PAQR6: variants seen among roughly 807,000 people sequenced by gnomAD.
PAQR6 encodes membrane progestin receptor delta.
A neutral mutation model predicts 36.2 loss-of-function variants in PAQR6; 34 were observed. The ratio of observed to expected loss-of-function variants is 0.94; its 90% CI spans 0.71 to 1.25. PAQR6 has a LOEUF of 1.25. Ranked by LOEUF, PAQR6 falls within the 50% of genes most tolerant of loss-of-function variation. The probability of loss-of-function intolerance (pLI) is 0.00; values close to 1 mark genes in which losing one functional copy is unlikely to be tolerated. For missense variants in PAQR6, 431 were observed against 445.7 expected (o/e 0.97, Z 0.30); for synonymous variants, 190 against 190.7 (o/e 1.00, Z 0.03).
chr1:156,244,565 G>GCTA, intron 7 of PAQR6, 162 bp from the exon 8 acceptor site: 4 of 1,388,996 alleles, frequency 2.9e-6, no homozygotes, highest in Non-Finnish European at 3.9e-6. Flanking sequence ...CAGCACACAT[G>GCTA]CTACTAGTTT....
intron 2 of PAQR6, 43 bp downstream of exon 2, chr1:156,246,638 C>G (rs1437995488): frequency 6.2e-7 from 1 of 1,605,286 alleles, no homozygotes; most frequent in African/African-American, 1.3e-5. Context: ...AGTCAGTCCT[C>G]TAGGGAATGG....
rs1358990080 is a variant in PAQR6 at position 156,244,781 on chromosome 1, G to A, written c.740C>T (p.Pro247Leu). The A allele has an allele frequency of 1.8e-5, 29 of 1,613,632 alleles. No individual in the cohort carries two copies. Among genetic ancestry groups the A allele is most frequent in the Non-Finnish European group, 2.4e-5 (28 of 1,180,046 alleles). The change falls in exon 7 of 8, where the codon CCA (proline) becomes CTA (leucine). Residue 247 changes from proline (P) to leucine (L), a missense_variant. Physicochemically the swap from Pro to Leu is moderately conservative, Grantham distance 98. Transcript: ENST00000292291. ...FASHLPERLAPGRFDYIGHSH... is the reference protein window; with the variant it reads ...FASHLPERLALGRFDYIGHSH... ...CTCACCGATGTAATCAAAGCGTCCT[G>A]GTGCCAGCCTTTCAGGCAGGTGGGA...
At position 156,243,507 on chromosome 1, in the gene PAQR6, C is replaced by T. The variant is rs1290689599; in HGVS notation, c.*622G>A. 137 of 480,782 alleles carry T rather than the reference C, an allele frequency of 2.8e-4. 1 individual carries two copies. The highest frequency in any genetic ancestry group is 7.0e-5 in the Non-Finnish European group (19 of 269,610). The allele number at this position is 480,782 out of a possible 1,614,324, so 29.8% of individuals were successfully genotyped here. On this transcript the variant is annotated 3_prime_UTR_variant, in exon 8 of 8. Coordinates refer to ENST00000292291, the MANE Select transcript of PAQR6 (RefSeq NM_198406.3). ...CAAAGTCTAACTAGGGATACCCCCT[C>T]TAGCCTAGGACCCTCCTCCCCACAC... is the stretch of plus-strand genomic sequence containing the variant.
rs765328163 is a variant in PAQR6 at position 156,246,255 on chromosome 1, G to A, written c.52-5C>T. On this transcript the variant is annotated splice_region_variant and splice_polypyrimidine_tract_variant and intron_variant, in intron 2 of 7. Transcript: ENST00000292291. ...GATGCCATCTTCCCAGAACACCTAGGGTAGTGGTGGGAGAGGAAGGGCGTC... is the reference window on the plus strand; with the variant it reads ...GATGCCATCTTCCCAGAACACCTAGAGTAGTGGTGGGAGAGGAAGGGCGTC... 26 of 1,606,172 alleles carry A rather than the reference G, an allele frequency of 1.6e-5. 1 individual carries two copies. Among genetic ancestry groups the A allele is most frequent in the Non-Finnish European group, 2.2e-5 (26 of 1,174,068 alleles).
At position 156,245,714 on chromosome 1, in the gene PAQR6, C is replaced by T. The variant is rs1572540388; in HGVS notation, c.386-53G>A. On this transcript the variant is annotated intron_variant, in intron 4 of 7. Transcript: ENST00000292291. ...AGGCCTGAGGGGCGCGCCCCTATGT[C>T]CCGCGTCCCACCCCTCGCCCCGCTC... 5 of 1,585,360 alleles carry T rather than the reference C, an allele frequency of 3.2e-6. No individual in the cohort carries two copies. The East Asian group carries it at 9.2e-5, about 29-fold the overall frequency.
In PAQR6 at chr1:156,244,151, C is replaced by T. The variant is rs940145156; in HGVS notation, c.1013G>A (p.Gly338Asp). Residue 338 changes from glycine to aspartate, a missense_variant, in exon 8 of 8, where the codon GGT (glycine) becomes GAT (aspartate). Coordinates refer to ENST00000292291, the MANE Select transcript of PAQR6 (RefSeq NM_198406.3). The part of the protein sequence containing the change: ...PLLQGGPLEG[G>D]TQAKQQ ...GCCTCACTGTTGTTTGGCCTGGGTA[C>T]CCCCCTCCAGTGGGCCACCCTGCAG... 2 of 1,603,394 alleles carry T rather than the reference C, an allele frequency of 1.2e-6. No individual in the cohort carries two copies. Among genetic ancestry groups the T allele is most frequent in the African/African-American group, 1.3e-5 (1 of 74,874 alleles).
rs1417123434 is a variant in PAQR6 at position 156,246,360 on chromosome 1, C to T, written c.52-110G>A. 3.3e-5 allele frequency: 35 copies of T among 1,047,612 alleles called. No homozygotes were observed. The Admixed American group carries it at 5.0e-4, about 15-fold the overall frequency. 64.9% of individuals were successfully genotyped at this position (1,047,612 alleles called of 1,614,324 possible). ...GGCTGGGCTGGAGATCAACGTGGCC[C>T]CCAAGCCAAACTAAATCTGATCTGA... On this transcript the variant is annotated intron_variant, in intron 2 of 7. Coordinates refer to ENST00000292291, the MANE Select transcript of PAQR6 (RefSeq NM_198406.3).
Position 156,245,183 on chromosome 1 carries a change from C to G in PAQR6, c.568G>C (p.Ala190Pro). Residue 190 changes from alanine (A) to proline (P), a missense_variant, in exon 6 of 8, where the codon GCC becomes CCC. Physicochemically the swap from Ala to Pro is conservative, Grantham distance 27. Coordinates refer to ENST00000292291, the MANE Select transcript of PAQR6 (RefSeq NM_198406.3). The part of the protein sequence containing the change: ...LSKVLRTGAF[A>P]YPFLFDNLPL... ...AGGTTGTCGAACAGGAATGGATAGG[C>G]GAAGGCTCCTGTGCGGAGGACCTTA... 6.2e-7 allele frequency: 1 copy of G among 1,614,064 alleles called. No individual in the cohort carries two copies. The highest frequency in any genetic ancestry group is 8.5e-7 in the Non-Finnish European group (1 of 1,180,026).
In PAQR6 at chr1:156,244,472, C is replaced by T; in HGVS notation, c.761-69G>A. The T allele has an allele frequency of 3.5e-6, 5 of 1,420,804 alleles. No homozygotes were observed. The South Asian group carries it at 5.9e-5, about 17-fold the overall frequency. The allele number at this position is 1,420,804 out of a possible 1,614,324, so 88.0% of individuals were successfully genotyped here. On this transcript the variant is annotated intron_variant, in intron 7 of 7. Transcript: ENST00000292291. Reference sequence around the variant, plus strand: ...CAAGTCACCCCATCCTCTGGGCCTGCTACTCCCCCATAAATTGAGAATAAG... The same window carrying T: ...CAAGTCACCCCATCCTCTGGGCCTGTTACTCCCCCATAAATTGAGAATAAG...
At chr1:156,244,730 T>C (rs746507203) in intron 7 of PAQR6, 31 bp downstream of exon 7, 1 of 1,613,768 alleles carries the variant, frequency 6.2e-7, no homozygotes, top group Non-Finnish European at 8.5e-7. Flanking sequence ...TGCCCCTGCC[T>C]CTTCCCGGGC....
intron 2 of PAQR6, among the ~76,000 whole-genome samples, 159 bp from the exon 3 acceptor site, chr1:156,246,409 A>G (rs1163302388): frequency 2.0e-5 from 3 of 152,090 alleles, no homozygotes; most frequent in Non-Finnish European, 4.4e-5. Flanking sequence ...CCCAGTACCC[A>G]CAACCCACAA....
rs1227240433 is a variant in PAQR6 at position 156,245,904 on chromosome 1, A to C, written c.263T>G (p.Leu88Arg). Residue 88 changes from leucine (L) to arginine (R), a missense_variant, in exon 4 of 8, where the codon CTG becomes CGG. Coordinates refer to ENST00000292291, the MANE Select transcript of PAQR6 (RefSeq NM_198406.3). ...GAAGGGGTAGAGGCAGGCGGGCAGC[A>C]GGAAGACCAGCAGCGGCCAGTGGTA... Reference protein sequence around the residue: ...EPYHWPLLVFLLPACLYPFAS... With the variant: ...EPYHWPLLVFRLPACLYPFAS... The C allele has an allele frequency of 1.3e-6, 2 of 1,576,690 alleles. No individual in the cohort carries two copies. The highest frequency in any genetic ancestry group is 1.9e-5 in the Admixed American group (1 of 53,416).
At position 156,245,227 on chromosome 1, in the gene PAQR6, A is replaced by G; in HGVS notation, c.524T>C (p.Leu175Pro). Reference sequence around the variant, plus strand: ...GACCTTACTGAGCCCAGGGCTTTCCAGCTCCAGGAAACTGGGAGGCGGGAG... The same window carrying G: ...GACCTTACTGAGCCCAGGGCTTTCCGGCTCCAGGAAACTGGGAGGCGGGAG... ...GLSCYSRFLE[L>P]ESPGLSKVLR... is the part of the protein sequence containing the mutation. The change falls in exon 6 of 8, where the codon CTG becomes CCG. Residue 175 changes from leucine to proline, a missense_variant. By Grantham distance (98) the Leu-to-Pro change is moderately conservative. Transcript: ENST00000292291. The G allele has an allele frequency of 6.2e-7, 1 of 1,614,110 alleles. No individual in the cohort carries two copies. The highest frequency in any genetic ancestry group is 8.5e-7 in the Non-Finnish European group (1 of 1,179,992).
chr1:156,245,010 T>C, intron 6 of PAQR6, 99 bp from the exon 7 acceptor site: 1 of 1,595,342 alleles, frequency 6.3e-7, no homozygotes, highest in Non-Finnish European at 8.5e-7. Context: ...CGGGCACAGC[T>C]AGGCGGGGTG....
In PAQR6 at chr1:156,244,121, A is replaced by T. The variant is rs201897248; in HGVS notation, c.*8T>A. On this transcript the variant is annotated 3_prime_UTR_variant, in exon 8 of 8. Coordinates refer to ENST00000292291, the MANE Select transcript of PAQR6 (RefSeq NM_198406.3). ...TGCCCCCTCCAGGACAGGGTCAGGGATGGGGCCTCACTGTTGTTTGGCCTG... is the reference window on the plus strand; with the variant it reads ...TGCCCCCTCCAGGACAGGGTCAGGGTTGGGGCCTCACTGTTGTTTGGCCTG... 9 of 1,605,314 alleles carry T rather than the reference A, an allele frequency of 5.6e-6. No homozygotes were observed. In the East Asian group the frequency reaches 1.8e-4, roughly 32 times the overall value.
Position 156,243,602 on chromosome 1 carries a change from C to T in PAQR6, c.*527G>A. The T allele has an allele frequency of 1.9e-6, 1 of 518,980 alleles. No homozygotes were observed. The highest frequency in any genetic ancestry group is 3.4e-5 in the Admixed American group (1 of 29,264). The allele number at this position is 518,980 out of a possible 1,614,324, so 32.1% of individuals were successfully genotyped here. A position where few individuals can be genotyped will look rare whatever the true frequency, so the allele number is the denominator to read the frequency against. On this transcript the variant is annotated 3_prime_UTR_variant, in exon 8 of 8. Coordinates refer to ENST00000292291, the MANE Select transcript of PAQR6 (RefSeq NM_198406.3). The stretch of plus-strand genomic sequence containing the variant: ...CCCAAAAGCCTGGACACCTTGAGCA[C>T]ACAGTTATGACCAGGACAGACTCAT...
rs746479449 is a variant in PAQR6, at chr1:156,244,406, G to T, written c.761-3C>A. ...GTGGAATAACTGGTGGCTGTGGCCT[G>T]TGGAGAGGATGGGCAGGTCAGAGCC... On this transcript the variant is annotated splice_region_variant and splice_polypyrimidine_tract_variant and intron_variant, in intron 7 of 7. Transcript: ENST00000292291. 6 of 1,509,296 alleles carry T rather than the reference G, an allele frequency of 4.0e-6. No individual in the cohort carries two copies. Among genetic ancestry groups the T allele is most frequent in the Admixed American group, 2.0e-5 (1 of 48,954 alleles). The allele number at this position is 1,509,296 out of a possible 1,614,324, so 93.5% of individuals were successfully genotyped here. A position where few individuals can be genotyped will look rare whatever the true frequency, so the allele number is the denominator to read the frequency against.
intron 5 of PAQR6, 81 bp from the exon 6 acceptor site, chr1:156,245,319 A>AGATGG (rs2103170842): frequency 7.0e-7 from 1 of 1,437,312 alleles, no homozygotes; most frequent in East Asian, 2.3e-5. Flanking sequence ...ACTTGGGCAA[A>AGATGG]GATGGAATAT....
At position 156,246,182 on chromosome 1, in the gene PAQR6, G is replaced by A; in HGVS notation, c.120C>T (p.Leu40=). ...TCTCGTTGGTCATCTGGAAGGAGCT[G>A]AGGACACAGTCCAAAGCCGAGCTGG... ...RPTSSALDCV[L]SSFQMTNETV... is the part of the protein sequence containing the mutation. Residue 40 remains leucine, a synonymous_variant, in exon 3 of 8, where the codon CTC becomes CTT. Transcript: ENST00000292291. The A allele has an allele frequency of 1.9e-6, 3 of 1,613,662 alleles. No individual in the cohort carries two copies. The highest frequency in any genetic ancestry group is 2.5e-6 in the Non-Finnish European group (3 of 1,180,040).
Sources: allele counts gnomAD v4.1 joint callset (sites outside exome capture counted in the v4.1 genomes callset), GRCh38; gene constraint gnomAD v4.1.1; transcripts MANE v1.5; gene names NCBI Gene and HGNC (gene_info 2026-07-23, HGNC 2026-07-21).